Variants in ATG14 observed in about 807,000 individuals in gnomAD.
The protein encoded by ATG14 is beclin 1-associated autophagy-related key regulator.
A neutral mutation model predicts 60.4 loss-of-function variants in ATG14; 35 were observed. The ratio of observed to expected loss-of-function variants is 0.58; its 90% CI spans 0.44 to 0.77. ATG14 has a LOEUF of 0.77. Ranked by LOEUF, ATG14 falls within the 30% of genes least tolerant of loss-of-function variation. ATG14 has a pLI of 0.00. For missense variants in ATG14, 647 were observed against 626.3 expected (o/e 1.03, Z -0.35); for synonymous variants, 234 against 228.8 (o/e 1.02, Z -0.21).
intron 4 of ATG14, 128 bp from the exon 5 acceptor site, chr14:55,386,224 A>C: frequency 1.3e-6 from 1 of 743,604 alleles, no homozygotes; most frequent in Non-Finnish European, 2.2e-6. Context: ...GAATAATATA[A>C]TGTTCACTAA....
chr14:55,373,035 C>G (rs1255301952), intron 9 of ATG14, among the ~76,000 whole-genome samples: 1 of 151,710 alleles, frequency 6.6e-6, no homozygotes, highest in Non-Finnish European at 1.5e-5. Flanking sequence ...TGTTTCTCCA[C>G]CCAGTGCCTC....
At chr14:55,384,989 T>C (rs1424352662) in intron 5 of ATG14, among the ~76,000 whole-genome samples, 1 of 152,176 alleles carries the variant, frequency 6.6e-6, no homozygotes, top group Non-Finnish European at 1.5e-5. Context: ...GTCCTGTCTG[T>C]CCCACCAGGG....
chr14:55,375,373 G>GGTTGGA (rs1443904250), intron 9 of ATG14, among the ~76,000 whole-genome samples: 16 of 152,130 alleles, frequency 1.1e-4, no homozygotes, highest in Non-Finnish European at 2.9e-5. Context: ...CTGTCATCCA[G>GGTTGGA]GTTGGAGTGC....
intron 7 of ATG14, among the ~76,000 whole-genome samples, 179 bp from the exon 8 acceptor site, chr14:55,378,253 T>C (rs1336779738): frequency 6.6e-6 from 1 of 152,210 alleles, no homozygotes; most frequent in Non-Finnish European, 1.5e-5. Context: ...TTATACTGCA[T>C]CTATACAAAT....
chr14:55,390,837 C>A, intron 4 of ATG14, 74 bp downstream of exon 4: 2 of 1,043,682 alleles, frequency 1.9e-6, no homozygotes, highest in East Asian at 2.7e-5. Context: ...TTCTGTGTCC[C>A]TCTAGTTTAT....
Position 55,367,155 on chromosome 14 carries a change from C to G in ATG14, c.*2464G>C, listed in dbSNP as rs1393327923. Reference sequence around the variant, plus strand: ...TGGATTCTATTCTTTAGCTTCATCTCTCATTCATGGTTTCATAAGAGGCTT... The same window carrying G: ...TGGATTCTATTCTTTAGCTTCATCTGTCATTCATGGTTTCATAAGAGGCTT... On this transcript the variant is annotated 3_prime_UTR_variant, in exon 10 of 10. Coordinates refer to ENST00000247178, the MANE Select transcript of ATG14 (RefSeq NM_014924.5). 2 of 152,332 alleles carry G rather than the reference C, an allele frequency of 1.3e-5. No individual in the cohort carries two copies. Among genetic ancestry groups the G allele is most frequent in the Admixed American group, 1.3e-4 (2 of 15,278 alleles). 9.4% of individuals were successfully genotyped at this position (152,332 alleles called of 1,614,324 possible).
At chr14:55,376,168 G>T (rs1240043227) in intron 9 of ATG14, among the ~76,000 whole-genome samples, 2 of 152,190 alleles carry the variant, frequency 1.3e-5, no homozygotes, top group African/African-American at 4.8e-5. Flanking sequence ...TGTGACCATG[G>T]CCATGAGTTA....
At chr14:55,371,229 A>G (rs2140117249) in intron 9 of ATG14, among the ~76,000 whole-genome samples, 1 of 152,320 alleles carries the variant, frequency 6.6e-6, no homozygotes, top group South Asian at 2.1e-4. Flanking sequence ...CTAGAATCGT[A>G]TAGCTTGCCA....
At chr14:55,401,550 T>C (rs535970677) in intron 1 of ATG14, among the ~76,000 whole-genome samples, 4 of 152,358 alleles carry the variant, frequency 2.6e-5, no homozygotes, top group Admixed American at 2.6e-4. Context: ...CACTAAATTA[T>C]TCCATACTTA....
chr14:55,392,897 G>A (rs1043887901), intron 3 of ATG14, among the ~76,000 whole-genome samples: 1 of 152,124 alleles, frequency 6.6e-6, no homozygotes, highest in Non-Finnish European at 1.5e-5. Flanking sequence ...GAGGGGTTCA[G>A]AAATATATCA....
At chr14:55,373,472 T>A (rs1169207209) in intron 9 of ATG14, among the ~76,000 whole-genome samples, 3 of 152,212 alleles carry the variant, frequency 2.0e-5, no homozygotes, top group East Asian at 1.9e-4. Flanking sequence ...CTTATTTTTT[T>A]ATTTTGAGAT....
At position 55,382,179 on chromosome 14, in the gene ATG14, A is replaced by T; in HGVS notation, c.660T>A (p.Asp220Glu). 6.2e-7 allele frequency: 1 copy of T among 1,614,190 alleles called. No homozygotes were observed. Among genetic ancestry groups the T allele is most frequent in the Non-Finnish European group, 8.5e-7 (1 of 1,180,016 alleles). Residue 220 changes from aspartate to glutamate, a missense_variant, in exon 6 of 10, where the codon GAT becomes GAA. Coordinates refer to ENST00000247178, the MANE Select transcript of ATG14 (RefSeq NM_014924.5). ...EVKTGVRDPA[D>E]VSSESDSAMT... The stretch of plus-strand genomic sequence containing the variant: ...TGGCACTGTCACTCTCTGAAGACAC[A>T]TCTGCGGGGTCTCTACAAGTAGGAA...
chr14:55,399,222 T>G (rs978644491), intron 1 of ATG14, among the ~76,000 whole-genome samples: 9 of 152,150 alleles, frequency 5.9e-5, no homozygotes, highest in African/African-American at 2.2e-4. Context: ...ATAGGCAATA[T>G]TATATGTGAC....
At chr14:55,406,854 T>C (rs1480143810) in intron 1 of ATG14, among the ~76,000 whole-genome samples, 1 of 152,220 alleles carries the variant, frequency 6.6e-6, no homozygotes, top group African/African-American at 2.4e-5. Context: ...AAATTTTGAA[T>C]GGTTATTTGC....
At chr14:55,389,003 A>G (rs1885170297) in intron 4 of ATG14, among the ~76,000 whole-genome samples, 1 of 152,096 alleles carries the variant, frequency 6.6e-6, no homozygotes, top group South Asian at 2.1e-4. Flanking sequence ...GCATGTGATC[A>G]TTTTCCTAAG....
At chr14:55,370,131 A>G (rs1884781780) in intron 9 of ATG14, among the ~76,000 whole-genome samples, 1 of 152,202 alleles carries the variant, frequency 6.6e-6, no homozygotes, top group South Asian at 2.1e-4. Flanking sequence ...AAATAAAATC[A>G]TGATACCACA....
chr14:55,397,488 G>GA, intron 1 of ATG14, 54 bp from the exon 2 acceptor site: 1 of 1,372,540 alleles, frequency 7.3e-7, no homozygotes, highest in Non-Finnish European at 1.0e-6. Flanking sequence ...TCAGTTCAAT[G>GA]AGACTATGCA....
At chr14:55,406,661 C>T (rs1157614403) in intron 1 of ATG14, among the ~76,000 whole-genome samples, 4 of 152,034 alleles carry the variant, frequency 2.6e-5, no homozygotes, top group East Asian at 1.9e-4. Flanking sequence ...TCCTGGGTCT[C>T]GAGATTCTTT....
intron 4 of ATG14, among the ~76,000 whole-genome samples, chr14:55,386,753 C>G (rs1256612268): frequency 1.3e-5 from 2 of 152,172 alleles, no homozygotes; most frequent in African/African-American, 4.8e-5. Flanking sequence ...AGATTTAGGT[C>G]CTTTTTGTGG....
Sources: allele counts gnomAD v4.1 joint callset (sites outside exome capture counted in the v4.1 genomes callset), GRCh38; gene constraint gnomAD v4.1.1; transcripts MANE v1.5; gene names NCBI Gene and HGNC (gene_info 2026-07-23, HGNC 2026-07-21).